Variants in NCOA2 observed in about 807,000 individuals in gnomAD.
NCOA2 encodes the protein nuclear receptor coactivator 2.
A neutral mutation model predicts 145.1 loss-of-function variants in NCOA2; 21 were observed. That is an observed-to-expected ratio of 0.14 (90% confidence interval 0.10 to 0.21). The LOEUF (loss-of-function observed/expected upper bound fraction) is 0.21, where lower values mean the gene tolerates loss of function less well. NCOA2 is among the 10% of genes least tolerant of loss of function. The pLI is 1.00. For synonymous variants in NCOA2, 619 were observed against 637.5 expected (o/e 0.97, Z 0.44); for missense variants, 1,472 against 1,837.6 (o/e 0.80, Z 3.64).
In NCOA2 at chr8:70,127,058, G is replaced by A. The variant is rs780108522; in HGVS notation, c.3682-11C>T. On this transcript the variant is annotated splice_polypyrimidine_tract_variant and intron_variant, in intron 18 of 22. Transcript: ENST00000452400. Reference sequence around the variant, plus strand: ...TGCATTAATAGGTGCCTGAAATCCGGGGCAACACATGGAGGAAAATGTCGG... The same window carrying A: ...TGCATTAATAGGTGCCTGAAATCCGAGGCAACACATGGAGGAAAATGTCGG... The A allele has an allele frequency of 1.9e-6, 3 of 1,585,430 alleles. No homozygotes were observed. In the South Asian group the frequency reaches 3.4e-5, roughly 18 times the overall value.
Position 70,142,945 on chromosome 8 carries a change from G to T in NCOA2, c.2813-1546C>A, listed in dbSNP as rs866504979. Among the ~76,000 whole-genome samples the T allele has an allele frequency of 6.8e-3, 1,009 of 148,014 alleles. 8 individuals are homozygous for T. The highest frequency in any genetic ancestry group is 0.029 in the South Asian group (136 of 4,614). The stretch of plus-strand genomic sequence containing the variant: ...GAAAGTCCCTCTCAGTCTGTGTTTT[G>T]TTTTTTTTGTTTTTTTTTTTTTGAG... On this transcript the variant is annotated intron_variant, in intron 13 of 22. Transcript: ENST00000452400.
intron 1 of NCOA2, among the ~76,000 whole-genome samples, chr8:70,311,026 C>T (rs777660178): frequency 2.0e-5 from 3 of 151,086 alleles, no homozygotes; most frequent in South Asian, 4.2e-4. Flanking sequence ...GGCAAAAGAC[C>T]GTAGTATGTC....
intron 4 of NCOA2, among the ~76,000 whole-genome samples, chr8:70,211,442 G>C (rs1008955945): frequency 2.0e-5 from 3 of 149,340 alleles, no homozygotes; most frequent in Non-Finnish European, 3.0e-5. Flanking sequence ...CTGGGCAACA[G>C]AGCAAGACTC....
At chr8:70,136,540 A>G (rs1809753348) in intron 15 of NCOA2, among the ~76,000 whole-genome samples, 1 of 139,940 alleles carries the variant, frequency 7.1e-6, no homozygotes, top group Non-Finnish European at 1.5e-5. Flanking sequence ...TATATACCAG[A>G]TGAATGAAGG....
intron 9 of NCOA2, among the ~76,000 whole-genome samples, chr8:70,160,919 A>T (rs1340811612): frequency 6.6e-6 from 1 of 152,190 alleles, no homozygotes; most frequent in Non-Finnish European, 1.5e-5. Flanking sequence ...GATGACATAA[A>T]TGTAATTTTT....
intron 2 of NCOA2, among the ~76,000 whole-genome samples, chr8:70,283,060 C>G (rs140627014): frequency 3.7e-4 from 57 of 152,340 alleles, no homozygotes; most frequent in African/African-American, 1.3e-3. Context: ...AGCTTGGCCC[C>G]AGGACTCTGG....
intron 1 of NCOA2, among the ~76,000 whole-genome samples, chr8:70,389,283 A>ATT (rs1302419596): frequency 7.1e-4 from 104 of 146,218 alleles, no homozygotes; most frequent in Non-Finnish European, 1.2e-3. Flanking sequence ...AACAGGCCAA[A>ATT]TTTTTTTTTT....
intron 21 of NCOA2, 31 bp from the exon 22 acceptor site, chr8:70,121,422 G>C (rs1326243051): frequency 6.5e-7 from 1 of 1,548,580 alleles, no homozygotes; most frequent in Admixed American, 1.7e-5. Context: ...CAGTGGCTAC[G>C]CAGAGCAGAA....
chr8:70,246,635 C>T (rs1364952373), intron 2 of NCOA2, among the ~76,000 whole-genome samples: 2 of 152,078 alleles, frequency 1.3e-5, no homozygotes, highest in South Asian at 2.1e-4. Flanking sequence ...GGGTTAAGCA[C>T]ATTCATACTG....
intron 1 of NCOA2, among the ~76,000 whole-genome samples, chr8:70,313,698 T>G (rs888440797): frequency 6.6e-6 from 1 of 152,068 alleles, no homozygotes; most frequent in Admixed American, 6.6e-5. Context: ...CACGAAAAAA[T>G]TTTTAGGAAT....
At chr8:70,171,827 T>C (rs1024796311) in intron 5 of NCOA2, among the ~76,000 whole-genome samples, 3 of 151,570 alleles carry the variant, frequency 2.0e-5, no homozygotes, top group African/African-American at 7.3e-5. Context: ...CACACCCAGA[T>C]ATTTTTTATT....
chr8:70,234,149 A>G (rs1214086149), intron 2 of NCOA2, among the ~76,000 whole-genome samples: 3 of 152,216 alleles, frequency 2.0e-5, no homozygotes, highest in African/African-American at 7.2e-5. Context: ...TTCAATTAGC[A>G]TAATGTTTTC....
intron 1 of NCOA2, among the ~76,000 whole-genome samples, chr8:70,367,950 C>T (rs140293583): frequency 1.3e-5 from 2 of 152,236 alleles, no homozygotes; most frequent in African/African-American, 4.8e-5. Flanking sequence ...GTGTAAAATA[C>T]TGTTACATAG....
At chr8:70,358,045 A>C (rs998889097) in intron 1 of NCOA2, among the ~76,000 whole-genome samples, 2 of 152,006 alleles carry the variant, frequency 1.3e-5, no homozygotes, top group East Asian at 3.9e-4. Flanking sequence ...AGCGAGACTC[A>C]GTCGCAAAAA....
the NCOA2 span, among the ~76,000 whole-genome samples, chr8:70,445,407 C>T: frequency 6.6e-6 from 1 of 152,116 alleles, no homozygotes; most frequent in Non-Finnish European, 1.5e-5. Context: ...AATTTGCTCC[C>T]CTGCTGGTTT....
chr8:70,260,897 A>T (rs955154298), intron 2 of NCOA2, among the ~76,000 whole-genome samples: 1 of 152,182 alleles, frequency 6.6e-6, no homozygotes, highest in Non-Finnish European at 1.5e-5. Context: ...CAAAACCACA[A>T]TGAGATACCA....
chr8:70,355,819 T>C (rs1809637700), intron 1 of NCOA2, among the ~76,000 whole-genome samples: 1 of 152,206 alleles, frequency 6.6e-6, no homozygotes, highest in Non-Finnish European at 1.5e-5. Flanking sequence ...ATATCTGTTA[T>C]GGACATGCTG....
At chr8:70,316,544 T>C (rs1351370354) in intron 1 of NCOA2, among the ~76,000 whole-genome samples, 1 of 152,176 alleles carries the variant, frequency 6.6e-6, no homozygotes, top group Non-Finnish European at 1.5e-5. Flanking sequence ...TGGGAGGCCG[T>C]TGTTTTGGAC....
At chr8:70,271,533 G>T (rs1232705836) in intron 2 of NCOA2, among the ~76,000 whole-genome samples, 1 of 152,182 alleles carries the variant, frequency 6.6e-6, no homozygotes, top group African/African-American at 2.4e-5. Context: ...AACTTTTTAA[G>T]TTGTAAATTA....
Sources: allele counts gnomAD v4.1 joint callset (sites outside exome capture counted in the v4.1 genomes callset), GRCh38; gene constraint gnomAD v4.1.1; transcripts MANE v1.5; gene names NCBI Gene and HGNC (gene_info 2026-07-23, HGNC 2026-07-21).